The following ATAD2 variants were observed in gnomAD, a reference collection of about 807,000 sequenced individuals.
ATAD2 encodes the protein ATPase family AAA domain-containing protein 2.
ATAD2 carries 62 observed loss-of-function variants against 168.9 expected under a neutral mutation model. That is an observed-to-expected ratio of 0.37 (90% CI 0.30 to 0.45). The LOEUF (loss-of-function observed/expected upper bound fraction) is 0.45. ATAD2 is among the 20% of genes least tolerant of loss of function. The pLI, the probability that ATAD2 is intolerant of heterozygous loss-of-function variation, is 1.00. For synonymous variants in ATAD2, 613 were observed against 571.6 expected, an observed-to-expected ratio of 1.07 and a Z score of -1.03; for missense variants, 1,419 against 1,667.8, an observed-to-expected ratio of 0.85 and a Z score of 2.60.
intron 1 of ATAD2, among the ~76,000 whole-genome samples, chr8:123,387,505 A>G (rs118123453): frequency 0.013 from 1,925 of 152,250 alleles, 10 homozygotes; most frequent in Middle Eastern, 0.031. Flanking sequence ...ACATTTTCAC[A>G]TGTATTACCA....
In ATAD2 at chr8:123,371,938, A is replaced by T; in HGVS notation, c.371-103T>A. ...TTGAAAAGCTATACTTTCATGTAAC[A>T]AAATTACAGTATCTTAAACTTAGCT... On this transcript the variant is annotated intron_variant, in intron 3 of 27. Transcript: ENST00000287394. The T allele has an allele frequency of 2.6e-6, 3 of 1,142,482 alleles. No homozygotes were observed. In the East Asian group the frequency reaches 8.1e-5, roughly 31 times the overall value. 70.8% of individuals were successfully genotyped at this position (1,142,482 alleles called of 1,614,324 possible).
At chr8:123,371,579 T>G in intron 4 of ATAD2, 91 bp downstream of exon 4, 2 of 1,215,184 alleles carry the variant, frequency 1.6e-6, no homozygotes, top group Non-Finnish European at 2.3e-6. Flanking sequence ...TAGAATGCAT[T>G]AAATGTTTGG....
In ATAD2 at chr8:123,396,348, G is replaced by C; in HGVS notation, c.10C>G (p.Leu4Val). The change falls in exon 1 of 28, where the codon CTC becomes GTC. Residue 4 changes from leucine (L) to valine (V), a missense_variant. This residue lies in a region of ATAD2 where 419 missense variants were observed against 423.5 expected (regional missense o/e 0.99). Transcript: ENST00000287394. Reference sequence around the variant, plus strand: ...TTGTGCAGCTCCAAGCTGCTGCGGAGAACCACCATCTTCTCTCCCTACTGG... The same window carrying C: ...TTGTGCAGCTCCAAGCTGCTGCGGACAACCACCATCTTCTCTCCCTACTGG... The part of the protein sequence containing the change: MVV[L>V]RSSLELHNHS... The C allele has an allele frequency of 6.3e-7, 1 of 1,594,976 alleles. No individual in the cohort carries two copies. The highest frequency in any genetic ancestry group is 8.5e-7 in the Non-Finnish European group (1 of 1,172,590).
At chr8:123,408,344 A>G (rs1813096004) in intron 1 of ATAD2, among the ~76,000 whole-genome samples, 1 of 152,158 alleles carries the variant, frequency 6.6e-6, no homozygotes. Flanking sequence ...ACCTGGCAAT[A>G]AGGATTCAGG....
intron 2 of ATAD2, among the ~76,000 whole-genome samples, chr8:123,377,091 C>CAAAAAAAAAAAAAAAA (rs58655606): frequency 0.014 from 392 of 27,244 alleles, 116 homozygotes; most frequent in African/African-American, 0.036. Context: ...GACTCCGTCT[C>CAAAAAAAAAAAAAAAA]AAAAAAAAAA....
intron 13 of ATAD2, among the ~76,000 whole-genome samples, chr8:123,349,663 C>A (rs1158737033): frequency 6.6e-6 from 1 of 152,022 alleles, no homozygotes; most frequent in Non-Finnish European, 1.5e-5. Flanking sequence ...TTAGACCCCC[C>A]ACAAATGAAT....
chr8:123,351,449 G>A (rs552139141), intron 13 of ATAD2, among the ~76,000 whole-genome samples: 3 of 152,214 alleles, frequency 2.0e-5, no homozygotes, highest in African/African-American at 7.2e-5. Context: ...GTCCCTTCGG[G>A]GAGGGGGATG....
intron 1 of ATAD2, among the ~76,000 whole-genome samples, chr8:123,409,415 G>T (rs1203522863): frequency 6.6e-6 from 1 of 152,092 alleles, no homozygotes; most frequent in Non-Finnish European, 1.5e-5. Context: ...GCTTTAACTT[G>T]GGAAAATAGC....
chr8:123,321,013 T>G lies in ATAD2; in HGVS notation c.*121A>C, dbSNP rs540940768. On this transcript the variant is annotated 3_prime_UTR_variant, in exon 28 of 28. Coordinates refer to ENST00000287394, the MANE Select transcript of ATAD2 (RefSeq NM_014109.4). ...TATCAGGAAAGTTTAAATACTTTTA[T>G]TTTACTATTTTAATCTTTTCCTTAA... 1.2e-5 allele frequency: 10 copies of G among 846,126 alleles called. No homozygotes were observed. In the African/African-American group the frequency reaches 1.4e-4, roughly 12 times the overall value. 52.4% of individuals were successfully genotyped at this position (846,126 alleles called of 1,614,324 possible). A position where few individuals can be genotyped will look rare whatever the true frequency, so the allele number is the denominator to read the frequency against.
At chr8:123,370,385 G>A (rs1292928677) in intron 6 of ATAD2, among the ~76,000 whole-genome samples, 3 of 152,000 alleles carry the variant, frequency 2.0e-5, no homozygotes, top group Admixed American at 6.6e-5. Context: ...TTTTTGACAA[G>A]TTTTCAAATT....
chr8:123,392,867 T>G (rs1000275544), intron 1 of ATAD2, among the ~76,000 whole-genome samples: 2 of 152,140 alleles, frequency 1.3e-5, no homozygotes, highest in Non-Finnish European at 2.9e-5. Context: ...TTTTAAGTGA[T>G]CAACTGTTTT....
intron 24 of ATAD2, among the ~76,000 whole-genome samples, chr8:123,331,820 T>C (rs545773151): frequency 6.6e-6 from 1 of 152,322 alleles, no homozygotes; most frequent in Admixed American, 6.5e-5. Context: ...AGCAATTTAC[T>C]GGACAGGCCA....
At chr8:123,340,778 C>T (rs1035331652) in intron 19 of ATAD2, among the ~76,000 whole-genome samples, 1 of 152,000 alleles carries the variant, frequency 6.6e-6, no homozygotes, top group Admixed American at 6.6e-5. Flanking sequence ...CAGAAGTTAC[C>T]GAGGGCTGTG....
In ATAD2 at chr8:123,334,204, T is replaced by C. The variant is rs199499772; in HGVS notation, c.3330A>G (p.Lys1110=). Residue 1110 remains lysine, a synonymous_variant, in exon 23 of 28, where the codon AAA becomes AAG. Transcript: ENST00000287394. ...TCAACCAAATCACTTTCCTACCTCTTTTCTTTCTAGATTCCTGAATTTCTT... is the reference window on the plus strand; with the variant it reads ...TCAACCAAATCACTTTCCTACCTCTCTTCTTTCTAGATTCCTGAATTTCTT... The part of the protein sequence containing the change: ...LCEEIQESRK[K]RGCSSSKYAP... 45 of 1,578,606 alleles carry C rather than the reference T, an allele frequency of 2.9e-5. No individual in the cohort carries two copies. The highest frequency in any genetic ancestry group is 3.6e-5 in the Non-Finnish European group (42 of 1,169,620).
chr8:123,320,679 T>C lies in ATAD2; in HGVS notation c.*455A>G, dbSNP rs553702941. 1.3e-5 allele frequency: 2 copies of C among 158,804 alleles called. No individual in the cohort carries two copies. The highest frequency in any genetic ancestry group is 1.9e-4 in the East Asian group (1 of 5,288). 9.8% of individuals were successfully genotyped at this position (158,804 alleles called of 1,614,324 possible). On this transcript the variant is annotated 3_prime_UTR_variant, in exon 28 of 28. Transcript: ENST00000287394. Reference sequence around the variant, plus strand: ...GAAGACGAGGGAATCTCAAGGCAGATGGGAGGAGGGCATTTGAAGAAAACA... The same window carrying C: ...GAAGACGAGGGAATCTCAAGGCAGACGGGAGGAGGGCATTTGAAGAAAACA...
chr8:123,403,901 T>C (rs1813038010), intron 1 of ATAD2, among the ~76,000 whole-genome samples: 1 of 152,042 alleles, frequency 6.6e-6, no homozygotes, highest in Admixed American at 6.6e-5. Context: ...TAAAGTGACC[T>C]TGTGAGGCCA....
Position 123,390,227 on chromosome 8 carries a change from C to T in ATAD2, c.171+5960G>A, listed in dbSNP as rs1218051283. ...CTTCTGATCTCCGGTGATATGCCTG[C>T]CTCGGCCTCCCAAACAAAGTGCTAG... is the stretch of plus-strand genomic sequence containing the variant. On this transcript the variant is annotated intron_variant, in intron 1 of 27. Coordinates refer to ENST00000287394, the MANE Select transcript of ATAD2 (RefSeq NM_014109.4). 2.0e-5 allele frequency among the ~76,000 whole-genome samples: 3 copies of T among 151,932 alleles called. No homozygotes were observed. The East Asian group carries it at 5.8e-4, about 29-fold the overall frequency.
At chr8:123,346,061 T>TG in intron 18 of ATAD2, 25 bp downstream of exon 18, 1 of 1,464,214 alleles carries the variant, frequency 6.8e-7, no homozygotes, top group Non-Finnish European at 9.0e-7. Context: ...CTGTTTTGTC[T>TG]TATACTTGGG....
intron 1 of ATAD2, among the ~76,000 whole-genome samples, chr8:123,389,804 T>C (rs968651960): frequency 3.3e-5 from 5 of 149,864 alleles, no homozygotes; most frequent in Non-Finnish European, 5.9e-5. Context: ...TCTAAGGATC[T>C]AGGAATCTAG....
Sources: gnomAD v4.1 joint callset for allele counts (sites outside exome capture counted in the v4.1 genomes callset) on GRCh38, gnomAD v4.1.1 for gene constraint, gnomAD v4.1.1 regional missense constraint, MANE v1.5 for transcripts, NCBI Gene and HGNC (gene_info 2026-07-23, HGNC 2026-07-21) for gene names.